The following WNT3A variants were observed in gnomAD, a reference collection of about 807,000 sequenced individuals.
WNT3A encodes protein Wnt-3a.
A neutral mutation model predicts 37.0 loss-of-function variants in WNT3A; 17 were observed. The ratio of observed to expected loss-of-function variants is 0.46; its 90% CI spans 0.31 to 0.69. The LOEUF is 0.69. WNT3A is among the 30% of genes least tolerant of loss of function. WNT3A has a pLI of 0.05. For missense variants in WNT3A, 411 were observed against 510.2 expected, an observed-to-expected ratio of 0.81 and a Z score of 1.87; for synonymous variants, 187 against 211.0, an observed-to-expected ratio of 0.89 and a Z score of 0.99.
At chr1:228,027,106 G>A (rs989838496) in intron 2 of WNT3A, among the ~76,000 whole-genome samples, 2 of 152,202 alleles carry the variant, frequency 1.3e-5, no homozygotes, top group Non-Finnish European at 2.9e-5. Flanking sequence ...GCCTCCCTAA[G>A]TGCTGGGATT....
At chr1:228,010,247 C>G (rs1428383987) in intron 1 of WNT3A, among the ~76,000 whole-genome samples, 1 of 152,222 alleles carries the variant, frequency 6.6e-6, no homozygotes, top group African/African-American at 2.4e-5. Flanking sequence ...CTGAGCACCT[C>G]TCCCTTCTTC....
At chr1:228,021,464 C>A (rs1232874242) in intron 1 of WNT3A, among the ~76,000 whole-genome samples, 2 of 152,022 alleles carry the variant, frequency 1.3e-5, no homozygotes, top group Non-Finnish European at 2.9e-5. Flanking sequence ...TGCGGAGGGC[C>A]CCAGGAGCAT....
In WNT3A at chr1:228,059,731, C is replaced by T; in HGVS notation, c.*266C>T. On this transcript the variant is annotated 3_prime_UTR_variant, in exon 4 of 4. Coordinates refer to ENST00000284523, the MANE Select transcript of WNT3A (RefSeq NM_033131.4). ...GGGAGGGGCTCTGCGTTGGCTTCTC[C>T]CTGGGGACGGGGCTCCCCTGGACAG... The T allele has an allele frequency of 7.7e-7, 1 of 1,304,708 alleles. No individual in the cohort carries two copies. The highest frequency in any genetic ancestry group is 9.7e-7 in the Non-Finnish European group (1 of 1,030,536). The allele number at this position is 1,304,708 out of a possible 1,614,324, so 80.8% of individuals were successfully genotyped here.
At chr1:228,016,328 C>T (rs552998019) in intron 1 of WNT3A, among the ~76,000 whole-genome samples, 3 of 152,268 alleles carry the variant, frequency 2.0e-5, no homozygotes, top group South Asian at 2.1e-4. Flanking sequence ...ACCCAGCACA[C>T]ATTCCCTGTG....
At chr1:228,014,368 T>C (rs2030465155) in intron 1 of WNT3A, among the ~76,000 whole-genome samples, 1 of 152,210 alleles carries the variant, frequency 6.6e-6, no homozygotes, top group Admixed American at 6.5e-5. Context: ...TCCACACGCC[T>C]GCATGGAGCA....
chr1:228,023,385 G>A (rs995124981), intron 2 of WNT3A, among the ~76,000 whole-genome samples: 4 of 150,912 alleles, frequency 2.7e-5, no homozygotes, highest in Non-Finnish European at 4.4e-5. Context: ...ACAGTGAGAC[G>A]GAGAAAGAGA....
intron 2 of WNT3A, among the ~76,000 whole-genome samples, chr1:228,029,332 AC>A (rs2030939574): frequency 6.6e-6 from 1 of 152,100 alleles, no homozygotes; most frequent in Non-Finnish European, 1.5e-5. Flanking sequence ...ACCTTGGGAG[AC>A]CCACATGTAG....
At position 228,039,694 on chromosome 1, in the gene WNT3A, T is replaced by C. The variant is rs2031231013; in HGVS notation, c.314-10962T>C. Among the ~76,000 whole-genome samples the C allele has an allele frequency of 6.6e-6, 1 of 152,106 alleles. No homozygotes were observed. The highest frequency in any genetic ancestry group is 2.1e-4 in the South Asian group (1 of 4,824). On this transcript the variant is annotated intron_variant, in intron 2 of 3. Coordinates refer to ENST00000284523, the MANE Select transcript of WNT3A (RefSeq NM_033131.4). This position sits in a 1 kb window ranked among gnomAD's most constrained non-coding sequence, Gnocchi z 4.1. ...AGGTGCCCCCCACCCCAGTTGAACTTGGGTCCCCAGGGCGGCCCTGCAGTG... is the reference window on the plus strand; with the variant it reads ...AGGTGCCCCCCACCCCAGTTGAACTCGGGTCCCCAGGGCGGCCCTGCAGTG...
intron 3 of WNT3A, among the ~76,000 whole-genome samples, chr1:228,052,395 C>T (rs1236590971): frequency 2.6e-5 from 4 of 152,202 alleles, no homozygotes; most frequent in Admixed American, 6.5e-5. Flanking sequence ...CCACCCACCT[C>T]GGCCTCCCAA....
intron 3 of WNT3A, among the ~76,000 whole-genome samples, chr1:228,057,182 CTT>C (rs2031699852): frequency 6.6e-6 from 1 of 152,130 alleles, no homozygotes; most frequent in Non-Finnish European, 1.5e-5. Context: ...ATATATGACA[CTT>C]AAAGTAGTCC....
At chr1:228,036,661 T>C (rs977918170) in intron 2 of WNT3A, among the ~76,000 whole-genome samples, 15 of 152,312 alleles carry the variant, frequency 9.8e-5, no homozygotes, top group African/African-American at 3.6e-4. Context: ...GCATGGAGAC[T>C]GGGCACACCG....
intron 3 of WNT3A, among the ~76,000 whole-genome samples, chr1:228,051,143 C>T (rs1050286728): frequency 1.3e-5 from 2 of 152,076 alleles, no homozygotes; most frequent in Non-Finnish European, 2.9e-5. Context: ...ACTGGGGTAG[C>T]CAAGAAGGAG....
intron 1 of WNT3A, among the ~76,000 whole-genome samples, chr1:228,015,207 T>C (rs990958592): frequency 6.6e-6 from 1 of 152,242 alleles, no homozygotes; most frequent in East Asian, 1.9e-4. Context: ...ATGGTTCCAC[T>C]AGGTCTTGTG....
chr1:228,029,753 T>G (rs1205378833), intron 2 of WNT3A, among the ~76,000 whole-genome samples: 8 of 130,922 alleles, frequency 6.1e-5, no homozygotes, highest in Non-Finnish European at 9.8e-5. Flanking sequence ...CCCCCCCCAA[T>G]TCCTACATTG....
chr1:228,052,329 A>G (rs1219268032), intron 3 of WNT3A, among the ~76,000 whole-genome samples: 2 of 151,928 alleles, frequency 1.3e-5, no homozygotes, highest in East Asian at 3.9e-4. Context: ...TTTTTAGTGG[A>G]GATAGGGTTT....
In WNT3A at chr1:228,061,146, G is replaced by C. The variant is rs942172695; in HGVS notation, c.*1681G>C. On this transcript the variant is annotated 3_prime_UTR_variant, in exon 4 of 4. Transcript: ENST00000284523. Reference sequence around the variant, plus strand: ...CCTCAAGGTGCGGGGAGAAGAAGCGGCCAGGCGGGGCGCCCCAAGAGCCCA... The same window carrying C: ...CCTCAAGGTGCGGGGAGAAGAAGCGCCCAGGCGGGGCGCCCCAAGAGCCCA... 3 of 152,584 alleles carry C rather than the reference G, an allele frequency of 2.0e-5. No homozygotes were observed. The highest frequency in any genetic ancestry group is 7.2e-5 in the African/African-American group (3 of 41,474). 9.5% of individuals were successfully genotyped at this position (152,584 alleles called of 1,614,324 possible). A position where few individuals can be genotyped will look rare whatever the true frequency, so the allele number is the denominator to read the frequency against.
In WNT3A at chr1:228,032,343, A is replaced by T. The variant is rs142483949; in HGVS notation, c.313+9435A>T. Among the ~76,000 whole-genome samples the T allele has an allele frequency of 4.1e-4, 63 of 152,320 alleles. 1 individual carries two copies. The highest frequency in any genetic ancestry group is 1.5e-3 in the African/African-American group (61 of 41,572). Reference sequence around the variant, plus strand: ...CATGGAAAGGCACAGATCTGCACAGATGGGAATCCCAGCCAGCAGATTGGC... The same window carrying T: ...CATGGAAAGGCACAGATCTGCACAGTTGGGAATCCCAGCCAGCAGATTGGC... On this transcript the variant is annotated intron_variant, in intron 2 of 3. Coordinates refer to ENST00000284523, the MANE Select transcript of WNT3A (RefSeq NM_033131.4).
intron 3 of WNT3A, among the ~76,000 whole-genome samples, chr1:228,052,962 C>T (rs1558295357): frequency 1.3e-5 from 2 of 152,236 alleles, no homozygotes; most frequent in East Asian, 3.9e-4. Flanking sequence ...GAGGTGGGAC[C>T]TAATAAGAGG....
In WNT3A at chr1:228,050,711, A is replaced by AGT; in HGVS notation, c.371_372dup (p.Thr125Ter). ...TTGCCTCAGCCGGTGTGGCCTTTGC[A>AGT]GTGACACGCTCATGTGCAGAAGGCA... On this transcript the variant is annotated frameshift_variant, in exon 3 of 4. Transcript: ENST00000284523. LOFTEE classifies it high-confidence loss of function. The surrounding 1 kb of genome is among the most constrained non-coding windows in gnomAD (Gnocchi z 5.0). The AGT allele has an allele frequency of 6.2e-7, 1 of 1,613,888 alleles. No homozygotes were observed. Among genetic ancestry groups the AGT allele is most frequent in the Non-Finnish European group, 8.5e-7 (1 of 1,179,890 alleles).
Sources: gnomAD v4.1 joint callset for allele counts (sites outside exome capture counted in the v4.1 genomes callset) on GRCh38, gnomAD v4.1.1 for gene constraint, Gnocchi (gnomAD v3.1) non-coding constraint, MANE v1.5 for transcripts, NCBI Gene and HGNC (gene_info 2026-07-23, HGNC 2026-07-21) for gene names.